RUNX1T1: variants seen among roughly 807,000 people sequenced by gnomAD.
The protein encoded by RUNX1T1 is protein CBFA2T1.
In RUNX1T1, 4 loss-of-function variants were observed where a neutral mutation model predicts 62.8. That is an observed-to-expected ratio of 0.06 (90% confidence interval 0.03 to 0.15). The LOEUF is 0.15. Among genes scored for constraint, RUNX1T1 ranks in the 10% least tolerant of loss-of-function variants. RUNX1T1 has a pLI of 1.00. For missense variants in RUNX1T1, 508 were observed against 754.3 expected, an observed-to-expected ratio of 0.67 and a Z score of 3.82; for synonymous variants, 291 against 286.0, an observed-to-expected ratio of 1.02 and a Z score of -0.18.
At chr8:92,063,137 T>C (rs1041905575), upstream of RUNX1T1, among the ~76,000 whole-genome samples, 6 of 152,302 alleles carry the variant, frequency 3.9e-5, no homozygotes, top group Non-Finnish European at 7.3e-5. Context: ...AGCCTGTTTA[T>C]TCAACTGGAA....
At chr8:92,087,624 G>C (rs1047184201) in intron 1 of RUNX1T1, among the ~76,000 whole-genome samples, 2 of 152,064 alleles carry the variant, frequency 1.3e-5, no homozygotes, top group Non-Finnish European at 2.9e-5. Flanking sequence ...TCATTCAGTG[G>C]GAACTGAGCC....
At chr8:91,983,400 A>G (rs974325744) in intron 8 of RUNX1T1, among the ~76,000 whole-genome samples, 5 of 152,148 alleles carry the variant, frequency 3.3e-5, no homozygotes, top group Admixed American at 2.6e-4. Context: ...CAGTCCCCAA[A>G]TATAATTTTA....
upstream of RUNX1T1, among the ~76,000 whole-genome samples, chr8:92,101,466 A>C (rs1005652788): frequency 6.6e-6 from 1 of 152,066 alleles, no homozygotes; most frequent in East Asian, 1.9e-4. Context: ...AATCCTAGCT[A>C]TTCCTTAAAG....
intron 10 of RUNX1T1, 80 bp downstream of exon 11, chr8:91,970,578 G>A: frequency 7.8e-7 from 1 of 1,277,502 alleles, no homozygotes; most frequent in Non-Finnish European, 1.1e-6. Flanking sequence ...TTTATCTAAA[G>A]TGATCACCTT....
At chr8:92,020,464 T>C (rs2131202922) in intron 1 of RUNX1T1, among the ~76,000 whole-genome samples, 1 of 152,272 alleles carries the variant, frequency 6.6e-6, no homozygotes, top group African/African-American at 2.4e-5. Flanking sequence ...TGTCCTGGTA[T>C]GTAATTTCCA....
intron 1 of RUNX1T1, chr8:92,095,329 CCT>C: frequency 2.0e-6 from 3 of 1,532,650 alleles, no homozygotes; most frequent in Non-Finnish European, 2.6e-6. Context: ...GCCTCCCTCC[CCT>C]GTTCACGGAG....
chr8:92,084,329 T>A (rs1835761054), intron 1 of RUNX1T1, among the ~76,000 whole-genome samples: 1 of 152,162 alleles, frequency 6.6e-6, no homozygotes, highest in Admixed American at 6.6e-5. Flanking sequence ...TTTTGTTTTA[T>A]TGTATGTTTT....
chr8:91,959,104 A>G, exon 11 of RUNX1T1: 1 of 217,114 alleles, frequency 4.6e-6, no homozygotes. Context: ...CATTTGTCCA[A>G]CACATTTACA....
chr8:92,070,056 T>C (rs946552738), intron 2 of RUNX1T1, among the ~76,000 whole-genome samples: 5 of 152,252 alleles, frequency 3.3e-5, no homozygotes, highest in Non-Finnish European at 5.9e-5. Flanking sequence ...CCACACTTAC[T>C]GAGCACCCTC....
upstream of RUNX1T1, chr8:92,103,083 C>G (rs1808447322): frequency 6.6e-6 from 3 of 455,436 alleles, no homozygotes; most frequent in Admixed American, 4.5e-5. Context: ...AGAGAGCTGC[C>G]GTGCAAAAAG....
chr8:92,079,458 A>T (rs565697466), intron 1 of RUNX1T1, among the ~76,000 whole-genome samples: 1 of 152,246 alleles, frequency 6.6e-6, no homozygotes, highest in East Asian at 1.9e-4. Flanking sequence ...AATTTGAAGG[A>T]GTAGTGAACA....
In RUNX1T1 at chr8:92,026,232, C is replaced by T. The variant is rs1482465191; in HGVS notation, c.8-8869G>A. 2.0e-5 allele frequency among the ~76,000 whole-genome samples: 3 copies of T among 152,172 alleles called. No homozygotes were observed. In the East Asian group the frequency reaches 5.8e-4, roughly 29 times the overall value. On this transcript the variant is annotated intron_variant, in intron 1 of 10. Coordinates refer to ENST00000396218, the Ensembl canonical transcript of RUNX1T1. ...AATAAACAACAACAACAACAAAACCCTATTAGGATAAATCAGCTACAATCA... is the reference window on the plus strand; with the variant it reads ...AATAAACAACAACAACAACAAAACCTTATTAGGATAAATCAGCTACAATCA...
intron 1 of RUNX1T1, among the ~76,000 whole-genome samples, chr8:92,040,916 C>T (rs1281275482): frequency 6.6e-6 from 1 of 151,844 alleles, no homozygotes; most frequent in African/African-American, 2.4e-5. Flanking sequence ...ACTCTGTTGC[C>T]CAGGCTAGTC....
intron 1 of RUNX1T1, among the ~76,000 whole-genome samples, chr8:92,087,813 A>G (rs1056900793): frequency 1.3e-5 from 2 of 152,226 alleles, no homozygotes; most frequent in African/African-American, 4.8e-5. Flanking sequence ...CTTTATAAGT[A>G]GTCAAATCAG....
chr8:92,029,475 G>A (rs1258451103), intron 1 of RUNX1T1, among the ~76,000 whole-genome samples: 4 of 152,118 alleles, frequency 2.6e-5, no homozygotes, highest in Non-Finnish European at 4.4e-5. Flanking sequence ...AGATGCCCTC[G>A]AATAAGTAGG....
At chr8:92,005,324 G>C in intron 4 of RUNX1T1, 27 bp from the exon 6 acceptor site, 1 of 1,601,956 alleles carries the variant, frequency 6.2e-7, no homozygotes, top group Non-Finnish European at 8.5e-7. Flanking sequence ...GGAATGAGAG[G>C]ACGGACTGAA....
At chr8:92,045,266 T>C (rs1272142678) in intron 1 of RUNX1T1, among the ~76,000 whole-genome samples, 1 of 152,070 alleles carries the variant, frequency 6.6e-6, no homozygotes, top group African/African-American at 2.4e-5. Context: ...ATAACACCCA[T>C]TTAGTATTTT....
At chr8:92,088,901 AACT>A (rs1190167085) in intron 1 of RUNX1T1, among the ~76,000 whole-genome samples, 1 of 152,196 alleles carries the variant, frequency 6.6e-6, no homozygotes. Flanking sequence ...AGTTAGTACC[AACT>A]ACGAGTTCAC....
At chr8:91,955,310 G>A (rs146653078), downstream of RUNX1T1, 2 of 224,954 alleles carry the variant, frequency 8.9e-6, no homozygotes, top group African/African-American at 2.2e-5. Context: ...GCTAGTTTCT[G>A]GCCTTTTTCA....
Sources: gnomAD v4.1 joint callset for allele counts (sites outside exome capture counted in the v4.1 genomes callset) on GRCh38, gnomAD v4.1.1 for gene constraint, MANE v1.5 for transcripts, NCBI Gene and HGNC (gene_info 2026-07-23, HGNC 2026-07-21) for gene names.